PCDHGB3: variants seen among roughly 807,000 people sequenced by gnomAD.
PCDHGB3 encodes protocadherin gamma subfamily B, 3.
A neutral mutation model predicts 59.2 loss-of-function variants in PCDHGB3; 40 were observed. That is an observed-to-expected ratio of 0.68 (90% CI 0.52 to 0.88). PCDHGB3 has a LOEUF of 0.88. PCDHGB3 is among the 40% of genes least tolerant of loss of function. The pLI is 0.00. For synonymous variants in PCDHGB3, 581 were observed against 503.6 expected, an observed-to-expected ratio of 1.15 and a Z score of -2.06; for missense variants, 1,309 against 1,187.9, an observed-to-expected ratio of 1.10 and a Z score of -1.50.
At chr5:141,448,143 A>C (rs2098568288) in intron 1 of PCDHGB3, among the ~76,000 whole-genome samples, 1 of 152,012 alleles carries the variant, frequency 6.6e-6, no homozygotes, top group Admixed American at 6.6e-5. Context: ...ACTATACCTC[A>C]GACTCACCCC....
intron 1 of PCDHGB3, chr5:141,387,572 T>C (rs369703788): frequency 1.9e-4 from 92 of 480,688 alleles, no homozygotes; most frequent in Non-Finnish European, 2.3e-4. Flanking sequence ...CAATTATAAT[T>C]ATTGCACTGG....
At position 141,382,776 on chromosome 5, in the gene PCDHGB3, A is replaced by T. The variant is rs572614689; in HGVS notation, c.2415+9967A>T. 1.1e-5 allele frequency: 9 copies of T among 809,964 alleles called. No homozygotes were observed. In the South Asian group the frequency reaches 1.8e-4, roughly 17 times the overall value. The allele number at this position is 809,964 out of a possible 1,614,324, so 50.2% of individuals were successfully genotyped here. A position where few individuals can be genotyped will look rare whatever the true frequency, so the allele number is the denominator to read the frequency against. On this transcript the variant is annotated intron_variant, in intron 1 of 3. Coordinates refer to ENST00000576222, the MANE Select transcript of PCDHGB3 (RefSeq NM_018924.5). Reference sequence around the variant, plus strand: ...TAAGCCCTCTTCCAGGCTGCACTAAACTCAAGCCTCTATCCTGCTGGATTC... The same window carrying T: ...TAAGCCCTCTTCCAGGCTGCACTAATCTCAAGCCTCTATCCTGCTGGATTC...
chr5:141,415,130 A>G (rs2095833213), intron 1 of PCDHGB3: 3 of 1,613,636 alleles, frequency 1.9e-6, no homozygotes, highest in South Asian at 1.1e-5. Flanking sequence ...GCCGTCCAGG[A>G]CCACGGCCAG....
At chr5:141,472,022 T>A (rs949257396) in intron 1 of PCDHGB3, among the ~76,000 whole-genome samples, 6 of 152,176 alleles carry the variant, frequency 3.9e-5, no homozygotes, top group African/African-American at 1.4e-4. Context: ...CTATATTGTA[T>A]GTAGAAAGCT....
chr5:141,392,167 C>T (rs565694057), intron 1 of PCDHGB3: 40 of 152,290 alleles, frequency 2.6e-4, no homozygotes, highest in African/African-American at 7.9e-4. Context: ...ATTTCTGAGT[C>T]AGTCATCTCC....
chr5:141,433,397 A>ATCTG (rs1179042498), intron 1 of PCDHGB3, among the ~76,000 whole-genome samples: 9 of 150,410 alleles, frequency 6.0e-5, no homozygotes, highest in Non-Finnish European at 1.0e-4. Context: ...CTATCTATCT[A>ATCTG]TCTATCTATT....
chr5:141,500,986 A>G (rs1223940696), intron 2 of PCDHGB3, among the ~76,000 whole-genome samples: 1 of 151,656 alleles, frequency 6.6e-6, no homozygotes, highest in East Asian at 1.9e-4. Flanking sequence ...CTCCTGCCTC[A>G]GCCTCCTGAG....
At position 141,409,805 on chromosome 5, in the gene PCDHGB3, C is replaced by A. The variant is rs751397816; in HGVS notation, c.2415+36996C>A. On this transcript the variant is annotated intron_variant, in intron 1 of 3. Transcript: ENST00000576222. ...CGCCTTCGCGCTCACGCTGCAGGCC[C>A]GCGACCACGGCTCGCCCACGCTCAG... is the stretch of plus-strand genomic sequence containing the variant. 14 of 1,611,512 alleles carry A rather than the reference C, an allele frequency of 8.7e-6. No homozygotes were observed. Among genetic ancestry groups the A allele is most frequent in the Middle Eastern group, 1.6e-4 (1 of 6,072 alleles).
At chr5:141,508,879 G>A (rs2547559) in intron 3 of PCDHGB3, among the ~76,000 whole-genome samples, 2 of 152,070 alleles carry the variant, frequency 1.3e-5, no homozygotes, top group East Asian at 3.9e-4. Context: ...AGAGGCTGAC[G>A]GCTGGAGGGG....
chr5:141,386,660 A>C (rs1300288203), intron 1 of PCDHGB3, among the ~76,000 whole-genome samples: 1 of 151,968 alleles, frequency 6.6e-6, no homozygotes, highest in Non-Finnish European at 1.5e-5. Context: ...CAAGTTCTGC[A>C]GTGTTCACAT....
chr5:141,413,137 T>C, intron 1 of PCDHGB3: 1 of 1,550,612 alleles, frequency 6.4e-7, no homozygotes, highest in Non-Finnish European at 8.7e-7. Flanking sequence ...ACACAACGTG[T>C]CCAGTGAGGA....
chr5:141,443,166 C>T (rs914863821), intron 1 of PCDHGB3, among the ~76,000 whole-genome samples: 2 of 152,124 alleles, frequency 1.3e-5, no homozygotes, highest in African/African-American at 4.8e-5. Context: ...ATTTCCCTAC[C>T]CATGTCCACT....
intron 1 of PCDHGB3, among the ~76,000 whole-genome samples, chr5:141,488,394 A>C (rs2099674951): frequency 1.3e-5 from 2 of 152,232 alleles, no homozygotes. Flanking sequence ...TGGTGAAACC[A>C]TGAAACCTAG....
In PCDHGB3 at chr5:141,370,454, C is replaced by A; in HGVS notation, c.60C>A (p.Phe20Leu). 6.2e-7 allele frequency: 1 copy of A among 1,611,484 alleles called. No individual in the cohort carries two copies. Among genetic ancestry groups the A allele is most frequent in the Non-Finnish European group, 8.5e-7 (1 of 1,178,622 alleles). The change falls in exon 1 of 4, where the codon TTC becomes TTA. Residue 20 changes from phenylalanine to leucine, a missense_variant. Phe to Leu is a conservative substitution (Grantham distance 22). Coordinates refer to ENST00000576222, the MANE Select transcript of PCDHGB3 (RefSeq NM_018924.5). ...PAGQRRMLFL[F>L]LLSLLDQALS... ...GGCAGAGGCGAATGCTATTTCTCTT[C>A]CTGCTCTCTTTGTTAGACCAGGCTC...
intron 1 of PCDHGB3, chr5:141,408,159 C>T (rs1408291996): frequency 3.9e-5 from 59 of 1,516,228 alleles, no homozygotes; most frequent in Non-Finnish European, 5.2e-5. Context: ...AGTGCACTTT[C>T]TCCAACTGGA....
At chr5:141,504,643 G>A (rs1049421626) in intron 2 of PCDHGB3, among the ~76,000 whole-genome samples, 3 of 124,276 alleles carry the variant, frequency 2.4e-5, no homozygotes, top group African/African-American at 9.0e-5. Flanking sequence ...AAGGTTTGAT[G>A]ATAGAGTGTT....
intron 1 of PCDHGB3, chr5:141,395,051 A>G: frequency 6.2e-7 from 1 of 1,614,178 alleles, no homozygotes; most frequent in Non-Finnish European, 8.5e-7. Flanking sequence ...TTGAGGAGGT[A>G]CAGGCTTTCC....
intron 1 of PCDHGB3, chr5:141,427,619 C>T: frequency 1.4e-6 from 1 of 696,342 alleles, no homozygotes; most frequent in Non-Finnish European, 2.6e-6. Context: ...AAGTCAACGA[C>T]AATGCTCCGG....
chr5:141,510,986 G>A lies in PCDHGB3; in HGVS notation c.2603G>A (p.Gly868Asp), dbSNP rs754203270. The A allele has an allele frequency of 6.2e-7, 1 of 1,614,166 alleles. No individual in the cohort carries two copies. The highest frequency in any genetic ancestry group is 8.5e-7 in the Non-Finnish European group (1 of 1,180,012). The change falls in exon 4 of 4, where the codon GGC becomes GAC. Residue 868 changes from glycine to aspartate, a missense_variant. Physicochemically the swap from Gly to Asp is moderately conservative, Grantham distance 94. Transcript: ENST00000576222. ...DGSSTLGGGA[G>D]TMGLSARYGP... ...AGCTCCACCCTGGGAGGGGGTGCCG[G>A]CACCATGGGATTGAGCGCCCGCTAC... is the stretch of plus-strand genomic sequence containing the variant.
Sources: gnomAD v4.1 joint callset for allele counts (sites outside exome capture counted in the v4.1 genomes callset) on GRCh38, gnomAD v4.1.1 for gene constraint, MANE v1.5 for transcripts, NCBI Gene and HGNC (gene_info 2026-07-23, HGNC 2026-07-21) for gene names.